The following GMDS variants were observed in gnomAD, a reference collection of about 807,000 sequenced individuals.
GMDS encodes the protein GDP-mannose 4,6 dehydratase.
Under a neutral mutation model 49.9 loss-of-function variants are expected in GMDS, and 20 were observed. The ratio of observed to expected loss-of-function variants is 0.40; its 90% CI spans 0.28 to 0.58. The LOEUF is 0.58. Ranked by LOEUF, GMDS falls within the 20% of genes least tolerant of loss-of-function variation. The probability of loss-of-function intolerance (pLI) is 0.42; values close to 1 mark genes in which losing one functional copy is unlikely to be tolerated. For missense variants in GMDS, 362 were observed against 481.4 expected, an observed-to-expected ratio of 0.75 and a Z score of 2.32; for synonymous variants, 177 against 178.6, an observed-to-expected ratio of 0.99 and a Z score of 0.07.
rs1277236731 is a variant in GMDS, at chr6:1,640,590, G to C, written c.988-16050C>G. Among the ~76,000 whole-genome samples the C allele has an allele frequency of 1.3e-5, 2 of 152,166 alleles. No individual in the cohort carries two copies. The highest frequency in any genetic ancestry group is 2.9e-5 in the Non-Finnish European group (2 of 68,044). On this transcript the variant is annotated intron_variant, in intron 9 of 10. Coordinates refer to ENST00000380815, the MANE Select transcript of GMDS (RefSeq NM_001500.4). This position sits in a 1 kb window ranked among gnomAD's most constrained non-coding sequence, Gnocchi z 4.0. ...GCCTTCTAGGTGCCCGTTTTGGAGAGAATACATTTCTTATAAACAGCAGGG... is the reference window on the plus strand; with the variant it reads ...GCCTTCTAGGTGCCCGTTTTGGAGACAATACATTTCTTATAAACAGCAGGG...
rs1342549875 is a variant in GMDS at position 2,191,799 on chromosome 6, C to A, written c.102+53522G>T. 1.3e-5 allele frequency among the ~76,000 whole-genome samples: 2 copies of A among 152,182 alleles called. No individual in the cohort carries two copies. Among genetic ancestry groups the A allele is most frequent in the Middle Eastern group, 3.2e-3 (1 of 316 alleles). ...GCAGCCTGGGTACCACAGACCATGGCAGGAAGCAGACAGGCTCCGGGGTGG... is the reference window on the plus strand; with the variant it reads ...GCAGCCTGGGTACCACAGACCATGGAAGGAAGCAGACAGGCTCCGGGGTGG... On this transcript the variant is annotated intron_variant, in intron 1 of 10. Coordinates refer to ENST00000380815, the MANE Select transcript of GMDS (RefSeq NM_001500.4). The surrounding 1 kb of genome is among the most constrained non-coding windows in gnomAD (Gnocchi z 4.6).
At chr6:1,888,888 T>A (rs138765233) in intron 7 of GMDS, among the ~76,000 whole-genome samples, 7 of 152,210 alleles carry the variant, frequency 4.6e-5, no homozygotes, top group Non-Finnish European at 1.0e-4. Context: ...ATCAGCTGGG[T>A]GGTCATTAAG....
chr6:1,911,517 A>G (rs539058000), intron 7 of GMDS, among the ~76,000 whole-genome samples: 110 of 152,036 alleles, frequency 7.2e-4, no homozygotes, highest in African/African-American at 2.6e-3. Context: ...ACAGACGTTT[A>G]TATTTTAATT....
At chr6:1,745,919 C>A (rs997969887) in intron 7 of GMDS, among the ~76,000 whole-genome samples, 1 of 152,202 alleles carries the variant, frequency 6.6e-6, no homozygotes, top group African/African-American at 2.4e-5. Context: ...TAATTCACCA[C>A]AAAGCCGAGG....
chr6:1,941,576 G>A (rs374106839), intron 6 of GMDS, among the ~76,000 whole-genome samples: 15 of 152,266 alleles, frequency 9.9e-5, no homozygotes, highest in African/African-American at 3.4e-4. Flanking sequence ...AAAGAATGGG[G>A]GTGAGATTTC....
intron 1 of GMDS, among the ~76,000 whole-genome samples, chr6:2,179,105 C>T (rs1029875124): frequency 6.6e-6 from 1 of 152,174 alleles, no homozygotes. Flanking sequence ...CACCATAGTA[C>T]ATGCACATGA....
chr6:1,924,312 G>A (rs1170042832), intron 7 of GMDS, among the ~76,000 whole-genome samples: 4 of 152,144 alleles, frequency 2.6e-5, no homozygotes, highest in East Asian at 1.9e-4. Flanking sequence ...GAATTTCAAC[G>A]CTCACCCCTA....
intron 9 of GMDS, among the ~76,000 whole-genome samples, chr6:1,676,386 C>T (rs991856768): frequency 7.9e-5 from 12 of 152,162 alleles, no homozygotes; most frequent in Non-Finnish European, 1.8e-4. Flanking sequence ...CAATGCCATC[C>T]CCATCAAGCT....
At chr6:1,968,912 A>G (rs1343195414) in intron 4 of GMDS, among the ~76,000 whole-genome samples, 1 of 150,006 alleles carries the variant, frequency 6.7e-6, no homozygotes, top group African/African-American at 2.5e-5. Context: ...ATACAGAGGT[A>G]AAAATATATC....
At chr6:2,216,921 C>G (rs1005441484) in intron 1 of GMDS, among the ~76,000 whole-genome samples, 3 of 152,110 alleles carry the variant, frequency 2.0e-5, no homozygotes, top group Non-Finnish European at 2.9e-5. Flanking sequence ...TGGCTCCTCA[C>G]GGAAAGGGAG....
At chr6:1,961,682 C>T (rs1423833973) in intron 4 of GMDS, among the ~76,000 whole-genome samples, 2 of 151,968 alleles carry the variant, frequency 1.3e-5, no homozygotes, top group African/African-American at 2.4e-5. Context: ...ATATTAAGTC[C>T]CCTAAAATAA....
rs528822668 is a variant in GMDS, at chr6:2,008,754, T to G, written c.346-47788A>C. 5.3e-5 allele frequency among the ~76,000 whole-genome samples: 8 copies of G among 152,354 alleles called. No homozygotes were observed. The East Asian group carries it at 1.2e-3, about 22-fold the overall frequency. ...TCAGAGATTAACTAGTGCTTCATAC[T>G]TGTCCTGTGAGTCCTGCTGGAAGTT... On this transcript the variant is annotated intron_variant, in intron 4 of 10. Transcript: ENST00000380815.
intron 4 of GMDS, among the ~76,000 whole-genome samples, chr6:1,995,304 C>T (rs1384136748): frequency 2.0e-5 from 3 of 152,188 alleles, no homozygotes; most frequent in Admixed American, 2.0e-4. Flanking sequence ...ACCTCCAGGT[C>T]TACTCCTCTG....
chr6:1,926,184 T>C (rs911067907), intron 7 of GMDS, among the ~76,000 whole-genome samples: 2 of 152,170 alleles, frequency 1.3e-5, no homozygotes, highest in African/African-American at 4.8e-5. Flanking sequence ...TCTTCCAGTA[T>C]ACCAAAGCAA....
intron 6 of GMDS, among the ~76,000 whole-genome samples, chr6:1,931,847 T>C (rs1762300732): frequency 6.6e-6 from 1 of 152,166 alleles, no homozygotes; most frequent in African/African-American, 2.4e-5. Context: ...TTCATACAAT[T>C]TATTGATTCT....
intron 4 of GMDS, among the ~76,000 whole-genome samples, chr6:1,978,168 G>A (rs1191444094): frequency 6.6e-6 from 1 of 152,008 alleles, no homozygotes; most frequent in Non-Finnish European, 1.5e-5. Flanking sequence ...GAGTCCAAAG[G>A]GTCCCAACGA....
At position 2,013,908 on chromosome 6, in the gene GMDS, C is replaced by T. The variant is rs1313096682; in HGVS notation, c.346-52942G>A. Among the ~76,000 whole-genome samples, 7 of 115,968 alleles carry T rather than the reference C, an allele frequency of 6.0e-5. 1 individual carries two copies. The highest frequency in any genetic ancestry group is 1.9e-4 in the African/African-American group (5 of 26,548). The allele number at this position is 115,968 out of a possible 152,430, so 76.1% of individuals were successfully genotyped here. A position where few individuals can be genotyped will look rare whatever the true frequency, so the allele number is the denominator to read the frequency against. ...AAAAGTCAAGGAAGCTCAGAGAACA[C>T]CAGAGAGGATAAAAACCATATATAT... On this transcript the variant is annotated intron_variant, in intron 4 of 10. Transcript: ENST00000380815.
At chr6:1,980,728 C>T (rs1765177396) in intron 4 of GMDS, among the ~76,000 whole-genome samples, 1 of 151,960 alleles carries the variant, frequency 6.6e-6, no homozygotes, top group Admixed American at 6.6e-5. Flanking sequence ...GAACTGTCCA[C>T]CCAGAAACAT....
intron 1 of GMDS, among the ~76,000 whole-genome samples, chr6:2,230,960 T>A (rs1408924398): frequency 8.7e-5 from 3 of 34,550 alleles, no homozygotes; most frequent in Admixed American, 3.8e-4. Context: ...CCCCGTTCCT[T>A]CCCCTAATAC....
Sources: allele counts gnomAD v4.1 joint callset (sites outside exome capture counted in the v4.1 genomes callset), GRCh38; gene constraint gnomAD v4.1.1; non-coding constraint Gnocchi (gnomAD v3.1); transcripts MANE v1.5; gene names NCBI Gene and HGNC (gene_info 2026-07-23, HGNC 2026-07-21).